The following RAD51B variants were observed in gnomAD, a reference collection of about 807,000 sequenced individuals.
The protein encoded by RAD51B is RAD51 paralog B.
A neutral mutation model predicts 42.2 loss-of-function variants in RAD51B; 38 were observed. The observed-to-expected ratio is 0.90, with a 90% CI of 0.70 to 1.18. RAD51B has a LOEUF of 1.18. Ranked by LOEUF, RAD51B falls within the 50% of genes most tolerant of loss-of-function variation. The pLI, the probability that RAD51B is intolerant of heterozygous loss-of-function variation, is 0.00. For synonymous variants in RAD51B, 154 were observed against 145.2 expected, an observed-to-expected ratio of 1.06 and a Z score of -0.43; for missense variants, 373 against 400.7, an observed-to-expected ratio of 0.93 and a Z score of 0.59.
Position 67,945,616 on chromosome 14 carries a change from A to C in RAD51B, c.756+58412A>C, listed in dbSNP as rs183577640. Among the ~76,000 whole-genome samples the C allele has an allele frequency of 3.1e-3, 466 of 152,200 alleles. 2 individuals carry two copies. Among genetic ancestry groups the C allele is most frequent in the Non-Finnish European group, 4.8e-3 (326 of 67,996 alleles). Reference sequence around the variant, plus strand: ...CTCCCGAGTAGCTGGGATTACAGGCACACGCCACCACGCCCAGCTAATTTT... The same window carrying C: ...CTCCCGAGTAGCTGGGATTACAGGCCCACGCCACCACGCCCAGCTAATTTT... On this transcript the variant is annotated intron_variant, in intron 7 of 10. Coordinates refer to ENST00000471583, the MANE Select transcript of RAD51B (RefSeq NM_133510.4).
chr14:68,523,164 G>A (rs977934420), intron 10 of RAD51B, among the ~76,000 whole-genome samples: 3 of 152,188 alleles, frequency 2.0e-5, no homozygotes, highest in Non-Finnish European at 4.4e-5. Flanking sequence ...CAGGCTTGGT[G>A]GTAGAAGCTG....
At chr14:68,464,053 C>T (rs962068280) in intron 9 of RAD51B, among the ~76,000 whole-genome samples, 3 of 152,218 alleles carry the variant, frequency 2.0e-5, no homozygotes, top group Non-Finnish European at 2.9e-5. Flanking sequence ...CATTGGTGCT[C>T]TGTTCTCAAG....
chr14:68,543,443 A>C (rs1888068624), intron 10 of RAD51B, among the ~76,000 whole-genome samples: 1 of 152,270 alleles, frequency 6.6e-6, no homozygotes, highest in Non-Finnish European at 1.5e-5. Flanking sequence ...ATTATTGAAT[A>C]TCAAGAATTA....
At chr14:68,220,955 AC>A (rs2079914229) in intron 7 of RAD51B, among the ~76,000 whole-genome samples, 1 of 152,028 alleles carries the variant, frequency 6.6e-6, no homozygotes, top group Non-Finnish European at 1.5e-5. Flanking sequence ...ACGTGGTGAA[AC>A]CCTGTCTTTA....
intron 10 of RAD51B, among the ~76,000 whole-genome samples, chr14:68,507,826 C>A (rs1406401846): frequency 6.6e-6 from 1 of 152,210 alleles, no homozygotes; most frequent in East Asian, 1.9e-4. Context: ...GTCATGAGCC[C>A]CTGCTCCTCC....
chr14:67,829,521 C>T (rs551668519), intron 3 of RAD51B, among the ~76,000 whole-genome samples: 9 of 152,126 alleles, frequency 5.9e-5, no homozygotes, highest in African/African-American at 2.2e-4. Flanking sequence ...GGATTACAGG[C>T]GTGAGCCACT....
intron 7 of RAD51B, among the ~76,000 whole-genome samples, chr14:67,893,450 T>TCA (rs1247766302): frequency 1.4e-5 from 2 of 139,250 alleles, no homozygotes; most frequent in African/African-American, 2.7e-5. Flanking sequence ...CCTCATCTTC[T>TCA]CACACACACA....
chr14:68,226,186 G>A (rs1241520474), intron 7 of RAD51B, among the ~76,000 whole-genome samples: 1 of 152,194 alleles, frequency 6.6e-6, no homozygotes, highest in African/African-American at 2.4e-5. Flanking sequence ...AATTAGTTGA[G>A]TGTTCTTATA....
At chr14:68,537,927 C>CCCAA (rs1887734986) in intron 10 of RAD51B, among the ~76,000 whole-genome samples, 1 of 152,136 alleles carries the variant, frequency 6.6e-6, no homozygotes, top group Admixed American at 6.5e-5. Flanking sequence ...TGATGATTTA[C>CCCAA]CCAAGGTCAT....
intron 8 of RAD51B, among the ~76,000 whole-genome samples, chr14:68,327,077 T>C (rs764920010): frequency 4.6e-5 from 7 of 152,178 alleles, no homozygotes; most frequent in Non-Finnish European, 8.8e-5. Context: ...GAAGAATGAT[T>C]GTGAGTAAAT....
chr14:68,150,897 A>G (rs1482226095), intron 7 of RAD51B, among the ~76,000 whole-genome samples: 1 of 152,188 alleles, frequency 6.6e-6, no homozygotes, highest in Non-Finnish European at 1.5e-5. Flanking sequence ...ACATAAATAT[A>G]CTTTAGTTAT....
chr14:68,502,043 G>A (rs1182797907), intron 10 of RAD51B, among the ~76,000 whole-genome samples: 2 of 152,368 alleles, frequency 1.3e-5, no homozygotes, highest in East Asian at 3.9e-4. Flanking sequence ...ATCTGGGCTG[G>A]AAGGCCACGT....
chr14:68,601,455 C>T (rs757986781), intron 10 of RAD51B, among the ~76,000 whole-genome samples: 8 of 152,120 alleles, frequency 5.3e-5, no homozygotes, highest in Non-Finnish European at 8.8e-5. Context: ...CTAAAGGGGG[C>T]TGGGAGAGTG....
intron 7 of RAD51B, among the ~76,000 whole-genome samples, chr14:68,271,158 C>A (rs539689382): frequency 7.2e-5 from 11 of 152,246 alleles, no homozygotes; most frequent in African/African-American, 2.4e-4. Context: ...TATCATTTGT[C>A]ATTTATTACG....
chr14:68,130,630 C>CT (rs1035636236), intron 7 of RAD51B, among the ~76,000 whole-genome samples: 2 of 152,198 alleles, frequency 1.3e-5, no homozygotes, highest in East Asian at 1.9e-4. Context: ...AATCTCCTCT[C>CT]TTTTTTTGTA....
intron 7 of RAD51B, among the ~76,000 whole-genome samples, chr14:68,168,741 ACC>A: frequency 6.6e-6 from 1 of 152,276 alleles, no homozygotes; most frequent in South Asian, 2.1e-4. Context: ...CACTTAAGTG[ACC>A]TATTTTGTAT....
At chr14:68,382,026 G>T (rs2083488634) in intron 8 of RAD51B, among the ~76,000 whole-genome samples, 1 of 152,222 alleles carries the variant, frequency 6.6e-6, no homozygotes, top group South Asian at 2.1e-4. Flanking sequence ...GCTCAAGGGG[G>T]ATGGATATGT....
At chr14:68,141,494 A>G (rs1295752616) in intron 7 of RAD51B, among the ~76,000 whole-genome samples, 1 of 152,238 alleles carries the variant, frequency 6.6e-6, no homozygotes, top group Non-Finnish European at 1.5e-5. Flanking sequence ...TCATGATTGC[A>G]TCTGCTACAG....
At chr14:68,232,137 G>A (rs1178473265) in intron 7 of RAD51B, among the ~76,000 whole-genome samples, 1 of 152,106 alleles carries the variant, frequency 6.6e-6, no homozygotes, top group African/African-American at 2.4e-5. Flanking sequence ...AATATTACAT[G>A]TTAAACAGCA....
Sources: allele counts gnomAD v4.1 joint callset (sites outside exome capture counted in the v4.1 genomes callset), GRCh38; gene constraint gnomAD v4.1.1; transcripts MANE v1.5; gene names NCBI Gene and HGNC (gene_info 2026-07-23, HGNC 2026-07-21).